The following LRIG3 variants were observed in gnomAD, a reference collection of about 807,000 sequenced individuals.
The protein encoded by LRIG3 is leucine-rich repeats and immunoglobulin-like domains protein 3.
Under a neutral mutation model 114.5 loss-of-function variants are expected in LRIG3, and 76 were observed. The observed-to-expected ratio is 0.66, with a 90% confidence interval of 0.55 to 0.80. The LOEUF (loss-of-function observed/expected upper bound fraction) is 0.80, where lower values mean the gene tolerates loss of function less well. Among genes scored for constraint, LRIG3 ranks in the 30% least tolerant of loss-of-function variants. The probability of loss-of-function intolerance (pLI) is 0.00; values close to 1 mark genes in which losing one functional copy is unlikely to be tolerated. For synonymous variants in LRIG3, 512 were observed against 519.8 expected, an observed-to-expected ratio of 0.98 and a Z score of 0.20; for missense variants, 1,239 against 1,382.8, an observed-to-expected ratio of 0.90 and a Z score of 1.65.
intron 1 of LRIG3, among the ~76,000 whole-genome samples, chr12:58,915,064 A>T (rs1338160495): frequency 6.6e-6 from 1 of 152,250 alleles, no homozygotes; most frequent in Non-Finnish European, 1.5e-5. Flanking sequence ...TCCATAGAAC[A>T]TCATTACTAT....
intron 15 of LRIG3, among the ~76,000 whole-genome samples, 187 bp from the exon 16 acceptor site, chr12:58,876,790 C>T (rs774150864): frequency 2.0e-5 from 3 of 152,150 alleles, no homozygotes; most frequent in South Asian, 2.1e-4. Context: ...TGCTCTGGGA[C>T]GTATAAGCTG....
chr12:58,900,674 A>C (rs978180370), intron 3 of LRIG3, among the ~76,000 whole-genome samples: 13 of 152,268 alleles, frequency 8.5e-5, no homozygotes, highest in Non-Finnish European at 1.8e-4. Flanking sequence ...ACTTCAGATG[A>C]TAGTACAAAC....
chr12:58,877,461 C>A lies in LRIG3; in HGVS notation c.2475G>T (p.Val825=). The change falls in exon 15 of 19, where the codon GTG becomes GTT. Residue 825 remains valine, a synonymous_variant. Coordinates refer to ENST00000320743, the MANE Select transcript of LRIG3 (RefSeq NM_153377.5). ...VVCCVVGTSL[V]WVVIIYHTRR... ...TTGTGTGGTATATGATGACCACCCA[C>A]ACGAGTGACGTGCCCACCACACAGC... The A allele has an allele frequency of 6.2e-7, 1 of 1,614,160 alleles. No homozygotes were observed. The highest frequency in any genetic ancestry group is 1.1e-5 in the South Asian group (1 of 91,078).
At chr12:58,911,859 G>C (rs528919251) in intron 3 of LRIG3, among the ~76,000 whole-genome samples, 2 of 152,180 alleles carry the variant, frequency 1.3e-5, no homozygotes, top group South Asian at 4.1e-4. Context: ...CAACCAGAGA[G>C]GTAAATTTTT....
At chr12:58,899,136 TGGGTGG>T (rs1241510311) in intron 3 of LRIG3, among the ~76,000 whole-genome samples, 1 of 152,202 alleles carries the variant, frequency 6.6e-6, no homozygotes, top group African/African-American at 2.4e-5. Context: ...TCTCTGGGTG[TGGGTGG>T]GGACCAAGGA....
At chr12:58,878,800 C>T (rs778187792) in intron 14 of LRIG3, 24 bp downstream of exon 14, 11 of 1,601,604 alleles carry the variant, frequency 6.9e-6, no homozygotes, top group Non-Finnish European at 9.4e-6. Flanking sequence ...ATTTATACTA[C>T]AGAATCTTAA....
At position 58,890,688 on chromosome 12, in the gene LRIG3, A is replaced by G. The variant is rs199909565; in HGVS notation, c.492T>C (p.Phe164=). ...SNNISELQTA[F]PALQLKYLYL... is the part of the protein sequence containing the mutation. The stretch of plus-strand genomic sequence containing the variant: ...ACAGATATTTGAGCTGTAGGGCTGG[A>G]AATGCAGTTTGGAGCTCTGAAATAT... Residue 164 remains phenylalanine, a synonymous_variant, in exon 4 of 19, where the codon TTT becomes TTC. Transcript: ENST00000320743. 1.2e-6 allele frequency: 2 copies of G among 1,602,218 alleles called. No individual in the cohort carries two copies. The highest frequency in any genetic ancestry group is 3.4e-5 in the Admixed American group (2 of 58,360).
intron 10 of LRIG3, among the ~76,000 whole-genome samples, chr12:58,885,308 T>A (rs1472491712): frequency 1.3e-5 from 2 of 152,162 alleles, no homozygotes; most frequent in Non-Finnish European, 2.9e-5. Context: ...GCTAAAACTC[T>A]CCTATGTCAC....
At position 58,877,543 on chromosome 12, in the gene LRIG3, G is replaced by A. The variant is rs754585483; in HGVS notation, c.2393C>T (p.Pro798Leu). Residue 798 changes from proline (P) to leucine (L), a missense_variant, in exon 15 of 19, where the codon CCA becomes CTA. Transcript: ENST00000320743. The part of the protein sequence containing the change: ...PTCDSPQMTA[P>L]SLDDDGWATV... ...GGCCCATCCGTCATCGTCTAACGATGGGGCTGTCATCTGAGGGGAGTCGCA... is the reference window on the plus strand; with the variant it reads ...GGCCCATCCGTCATCGTCTAACGATAGGGCTGTCATCTGAGGGGAGTCGCA... The A allele has an allele frequency of 4.3e-6, 7 of 1,614,224 alleles. No individual in the cohort carries two copies. The highest frequency in any genetic ancestry group is 5.9e-6 in the Non-Finnish European group (7 of 1,180,050).
intron 3 of LRIG3, among the ~76,000 whole-genome samples, chr12:58,899,621 T>C (rs933291695): frequency 6.6e-6 from 1 of 152,220 alleles, no homozygotes; most frequent in African/African-American, 2.4e-5. Context: ...TAAATTTGTT[T>C]TGATGTTCCT....
rs1471351521 is a variant in LRIG3, at chr12:58,890,141, T to C, written c.516-2A>G. On this transcript the variant is annotated splice_acceptor_variant, in intron 4 of 18. Transcript: ENST00000320743. LOFTEE classifies it high-confidence loss of function. The stretch of plus-strand genomic sequence containing the variant: ...GTGACTCGGTTGCTGTTGAGATACC[T>C]GTTGAAAGTTTAAAGATGAGCTTCT... 6.2e-7 allele frequency: 1 copy of C among 1,612,884 alleles called. No individual in the cohort carries two copies. Among genetic ancestry groups the C allele is most frequent in the Admixed American group, 1.7e-5 (1 of 59,952 alleles).
chr12:58,897,770 A>G (rs1871694578), intron 3 of LRIG3, among the ~76,000 whole-genome samples: 1 of 152,234 alleles, frequency 6.6e-6, no homozygotes, highest in Non-Finnish European at 1.5e-5. Flanking sequence ...TTTAATCTGA[A>G]GTAATTTATG....
At chr12:58,909,018 G>A (rs1872173728) in intron 3 of LRIG3, among the ~76,000 whole-genome samples, 1 of 152,164 alleles carries the variant, frequency 6.6e-6, no homozygotes, top group Non-Finnish European at 1.5e-5. Flanking sequence ...ATGACTCAAT[G>A]TCCCCAGAAA....
chr12:58,900,652 T>C (rs1478836921), intron 3 of LRIG3, among the ~76,000 whole-genome samples: 1 of 152,180 alleles, frequency 6.6e-6, no homozygotes, highest in Non-Finnish European at 1.5e-5. Flanking sequence ...TTAGCCTACA[T>C]AAAGAATTTT....
chr12:58,916,363 G>A (rs1055494175), intron 1 of LRIG3, among the ~76,000 whole-genome samples: 1 of 151,890 alleles, frequency 6.6e-6, no homozygotes, highest in Non-Finnish European at 1.5e-5. Flanking sequence ...ATTATATGTA[G>A]GAGGAAAAAA....
chr12:58,913,919 T>C, intron 3 of LRIG3, 63 bp downstream of exon 3: 1 of 1,387,198 alleles, frequency 7.2e-7, no homozygotes. Flanking sequence ...TGCTAGTCCC[T>C]ATGGAACTCC....
At chr12:58,918,217 T>A (rs1010947295) in intron 1 of LRIG3, among the ~76,000 whole-genome samples, 4 of 152,186 alleles carry the variant, frequency 2.6e-5, no homozygotes, top group African/African-American at 9.7e-5. Flanking sequence ...ATTGAGACAA[T>A]TTACTGCTGG....
rs1308575741 is a variant in LRIG3 at position 58,878,982 on chromosome 12, G to T, written c.1925C>A (p.Thr642Lys). 6.2e-7 allele frequency: 1 copy of T among 1,614,202 alleles called. No individual in the cohort carries two copies. Among genetic ancestry groups the T allele is most frequent in the Non-Finnish European group, 8.5e-7 (1 of 1,180,026 alleles). Residue 642 changes from threonine to lysine, a missense_variant, in exon 14 of 19, where the codon ACA becomes AAA. Coordinates refer to ENST00000320743, the MANE Select transcript of LRIG3 (RefSeq NM_153377.5). ...PQIAWQKDGG[T>K]DFPAARERRM... ...TCTCTCCCGTGCAGCTGGGAAGTCT[G>T]TGCCCCCATCCTTCTGCCAGGCTAT...
intron 3 of LRIG3, among the ~76,000 whole-genome samples, chr12:58,907,083 C>A (rs755100873): frequency 6.6e-6 from 1 of 152,168 alleles, no homozygotes; most frequent in Non-Finnish European, 1.5e-5. Context: ...CTTCCCCTCA[C>A]GCTCCACACA....
Sources: gnomAD v4.1 joint callset for allele counts (sites outside exome capture counted in the v4.1 genomes callset) on GRCh38, gnomAD v4.1.1 for gene constraint, MANE v1.5 for transcripts, NCBI Gene and HGNC (gene_info 2026-07-23, HGNC 2026-07-21) for gene names.